Variants in PRPSAP2 observed in about 807,000 individuals in gnomAD.
PRPSAP2 encodes phosphoribosyl pyrophosphate synthetase associated protein 2.
Under a neutral mutation model 40.6 loss-of-function variants are expected in PRPSAP2, and 24 were observed. The observed-to-expected ratio is 0.59, with a 90% CI of 0.43 to 0.83. The LOEUF is 0.83. Among genes scored for constraint, PRPSAP2 ranks in the 40% least tolerant of loss-of-function variants. PRPSAP2 has a pLI of 0.00. For missense variants in PRPSAP2, 292 were observed against 465.6 expected (o/e 0.63, Z 3.43); for synonymous variants, 149 against 164.7 (o/e 0.90, Z 0.73).
At chr17:18,928,697 T>C in intron 10 of PRPSAP2, 114 bp from the exon 11 acceptor site, 1 of 1,424,126 alleles carries the variant, frequency 7.0e-7, no homozygotes, top group South Asian at 1.2e-5. Context: ...CAAGGCCAAG[T>C]GGAAGAGCAG....
chr17:18,857,303 C>G (rs1442960052), upstream of PRPSAP2, among the ~76,000 whole-genome samples: 2 of 152,076 alleles, frequency 1.3e-5, no homozygotes, highest in African/African-American at 4.8e-5. Flanking sequence ...CCGATGCACT[C>G]TAGCCTGGAC....
chr17:18,894,180 G>A (rs113846204), intron 8 of PRPSAP2, among the ~76,000 whole-genome samples: 11,033 of 151,280 alleles, frequency 0.073, 439 homozygotes, highest in Admixed American at 0.099. Flanking sequence ...CTTTTGAGAC[G>A]GAGTTTCGCT....
In PRPSAP2 at chr17:18,930,928, A is replaced by G. The variant is rs576989433; in HGVS notation, c.*230A>G. On this transcript the variant is annotated 3_prime_UTR_variant, in exon 12 of 12. Transcript: ENST00000268835. Reference sequence around the variant, plus strand: ...CTTTATTCTCCTCTTTTGAAAAGGTAAGACCTCGTTTTAGTTGTAACTGTT... The same window carrying G: ...CTTTATTCTCCTCTTTTGAAAAGGTGAGACCTCGTTTTAGTTGTAACTGTT... 2.9e-6 allele frequency: 1 copy of G among 345,428 alleles called. No homozygotes were observed. Among genetic ancestry groups the G allele is most frequent in the Non-Finnish European group, 5.2e-6 (1 of 191,832 alleles). The allele number at this position is 345,428 out of a possible 1,614,324, so 21.4% of individuals were successfully genotyped here. A position where few individuals can be genotyped will look rare whatever the true frequency, so the allele number is the denominator to read the frequency against.
intron 7 of PRPSAP2, 147 bp from the exon 8 acceptor site, chr17:18,889,675 G>C: frequency 1.8e-6 from 1 of 566,812 alleles, no homozygotes; most frequent in South Asian, 2.8e-5. Flanking sequence ...TTCATAGGCA[G>C]GTTCCTTTCT....
chr17:18,865,645 C>T (rs2151882146), intron 2 of PRPSAP2, 81 bp downstream of exon 2: 2 of 316,698 alleles, frequency 6.3e-6, no homozygotes, highest in Non-Finnish European at 1.1e-5. Context: ...TGAAATCCAA[C>T]TGAACTTTCT....
intron 9 of PRPSAP2, among the ~76,000 whole-genome samples, chr17:18,920,033 T>A (rs1415471636): frequency 6.6e-6 from 1 of 152,072 alleles, no homozygotes; most frequent in Non-Finnish European, 1.5e-5. Context: ...TGCTGGGGGG[T>A]AGGCCTGGGG....
At chr17:18,908,639 A>T (rs1388727012) in intron 8 of PRPSAP2, 5 of 720,900 alleles carry the variant, frequency 6.9e-6, no homozygotes, top group Non-Finnish European at 1.3e-5. Flanking sequence ...TGGAACACCC[A>T]CGCCGACTTC....
chr17:18,897,917 CCT>C lies in PRPSAP2; in HGVS notation c.584+8041_584+8042del, dbSNP rs1234375023. 6.6e-5 allele frequency among the ~76,000 whole-genome samples: 10 copies of C among 151,912 alleles called. No homozygotes were observed. The East Asian group carries it at 9.7e-4, about 15-fold the overall frequency. ...TACCTCTCTGTGTCTCTTTACTCCC[CCT>C]GTTTTTAATATATTTGTCTTAAATA... On this transcript the variant is annotated intron_variant, in intron 8 of 11. Coordinates refer to ENST00000268835, the MANE Select transcript of PRPSAP2 (RefSeq NM_002767.4).
At chr17:18,893,547 G>C (rs2151928637) in intron 8 of PRPSAP2, among the ~76,000 whole-genome samples, 1 of 151,596 alleles carries the variant, frequency 6.6e-6, no homozygotes, top group Non-Finnish European at 1.5e-5. Flanking sequence ...TTGAGCCCAG[G>C]AATTTGAGAC....
intron 7 of PRPSAP2, among the ~76,000 whole-genome samples, chr17:18,883,918 G>A (rs1310385522): frequency 6.6e-6 from 1 of 151,876 alleles, no homozygotes; most frequent in African/African-American, 2.4e-5. Context: ...ATTTTTGAAA[G>A]AGAAAAATGT....
At chr17:18,901,267 C>A (rs1373242015) in intron 8 of PRPSAP2, among the ~76,000 whole-genome samples, 1 of 152,198 alleles carries the variant, frequency 6.6e-6, no homozygotes, top group Non-Finnish European at 1.5e-5. Flanking sequence ...CGCTTCTTCT[C>A]CAGCTACAAA....
chr17:18,900,636 A>G (rs1415876481), intron 8 of PRPSAP2, among the ~76,000 whole-genome samples: 1 of 151,564 alleles, frequency 6.6e-6, no homozygotes, highest in African/African-American at 2.4e-5. Flanking sequence ...GCTTCTCAGG[A>G]CTCTGGCAGG....
chr17:18,917,576 TTATTATTA>T, intron 9 of PRPSAP2: 2 of 74,168 alleles, frequency 2.7e-5, no homozygotes, highest in Non-Finnish European at 4.8e-5. Flanking sequence ...ATTATTATTA[TTATTATTA>T]TTTTTTTTTT....
chr17:18,893,066 TTC>T (rs2151927705), intron 8 of PRPSAP2, among the ~76,000 whole-genome samples: 1 of 152,284 alleles, frequency 6.6e-6, no homozygotes, highest in African/African-American at 2.4e-5. Context: ...TGCAGATATT[TTC>T]TCTCTTTCTG....
chr17:18,925,747 AAGTTCCAT>A (rs1477188136), intron 10 of PRPSAP2, among the ~76,000 whole-genome samples: 1 of 152,194 alleles, frequency 6.6e-6, no homozygotes, highest in Non-Finnish European at 1.5e-5. Flanking sequence ...CCCATTTCCC[AAGTTCCAT>A]AGTGGGTGCC....
intron 6 of PRPSAP2, among the ~76,000 whole-genome samples, chr17:18,881,707 T>C (rs2038757911): frequency 6.6e-6 from 1 of 151,948 alleles, no homozygotes; most frequent in African/African-American, 2.4e-5. Flanking sequence ...CTGGCTAATT[T>C]TTGTTTTGTA....
At chr17:18,882,779 A>G in intron 7 of PRPSAP2, 96 bp downstream of exon 7, 1 of 792,382 alleles carries the variant, frequency 1.3e-6, no homozygotes, top group Non-Finnish European at 2.1e-6. Context: ...TTAAAACTTG[A>G]TGTATTGTAC....
chr17:18,881,298 C>T (rs1210111596), intron 6 of PRPSAP2, among the ~76,000 whole-genome samples: 6 of 150,780 alleles, frequency 4.0e-5, no homozygotes, highest in African/African-American at 9.8e-5. Flanking sequence ...TGAAGTGGTG[C>T]GATCTCGGCT....
intron 9 of PRPSAP2, among the ~76,000 whole-genome samples, chr17:18,915,182 G>A (rs1400550665): frequency 2.0e-5 from 3 of 151,792 alleles, no homozygotes; most frequent in African/African-American, 7.3e-5. Context: ...GTGCCACCAT[G>A]TCTGGCTAAT....
Sources: gnomAD v4.1 joint callset for allele counts (sites outside exome capture counted in the v4.1 genomes callset) on GRCh38, gnomAD v4.1.1 for gene constraint, MANE v1.5 for transcripts, NCBI Gene and HGNC (gene_info 2026-07-23, HGNC 2026-07-21) for gene names.